The following PIK3C2G variants were observed in gnomAD, a reference collection of about 807,000 sequenced individuals.
The protein encoded by PIK3C2G is phosphatidylinositol-4-phosphate 3-kinase catalytic subunit type 2 gamma, also known as phosphatidylinositol 3-kinase C2 domain-containing subunit gamma.
PIK3C2G carries 168 observed loss-of-function variants against 181.1 expected under a neutral mutation model. That is an observed-to-expected ratio of 0.93 (90% CI 0.82 to 1.05). The LOEUF is 1.05. Among genes scored for constraint, PIK3C2G ranks in the 50% least tolerant of loss-of-function variants. PIK3C2G has a pLI of 0.00. For missense variants in PIK3C2G, 1,869 were observed against 1,732.8 expected, an observed-to-expected ratio of 1.08 and a Z score of -1.40; for synonymous variants, 573 against 592.2, an observed-to-expected ratio of 0.97 and a Z score of 0.47.
In PIK3C2G at chr12:18,555,984, G is replaced by A. The variant is rs542556863; in HGVS notation, c.3591-6719G>A. On this transcript the variant is annotated intron_variant, in intron 26 of 32. Coordinates refer to ENST00000538779, the MANE Select transcript of PIK3C2G (RefSeq NM_001288772.2). ...TCTCTAAGGATGAAAAGATTAACAT[G>A]AAGCATTTAGTGTACTACCTGCCAA... 4.3e-4 allele frequency among the ~76,000 whole-genome samples: 65 copies of A among 152,228 alleles called. 2 individuals are homozygous for A. In the South Asian group the frequency reaches 0.013, roughly 30 times the overall value.
intron 26 of PIK3C2G, among the ~76,000 whole-genome samples, chr12:18,550,074 T>A (rs1186848667): frequency 6.6e-6 from 1 of 152,052 alleles, no homozygotes; most frequent in Non-Finnish European, 1.5e-5. Flanking sequence ...AAGTAGCATA[T>A]CTGTTCAATT....
At chr12:18,707,768 T>A in the PIK3C2G span, among the ~76,000 whole-genome samples, 1 of 152,290 alleles carries the variant, frequency 6.6e-6, no homozygotes, top group African/African-American at 2.4e-5. Flanking sequence ...TAATCTTATC[T>A]ATGCTGCAAA....
intron 18 of PIK3C2G, among the ~76,000 whole-genome samples, chr12:18,459,659 C>T (rs1258330402): frequency 2.0e-5 from 3 of 152,186 alleles, no homozygotes; most frequent in Non-Finnish European, 4.4e-5. Flanking sequence ...CATGCTTAAC[C>T]TATGCCTAAA....
intron 26 of PIK3C2G, among the ~76,000 whole-genome samples, chr12:18,557,978 G>A (rs1339248685): frequency 6.6e-6 from 1 of 152,034 alleles, no homozygotes; most frequent in African/African-American, 2.4e-5. Flanking sequence ...TTACCTATTG[G>A]TTTTGTGTGT....
At chr12:18,721,517 T>C in the PIK3C2G span, among the ~76,000 whole-genome samples, 1 of 152,026 alleles carries the variant, frequency 6.6e-6, no homozygotes, top group African/African-American at 2.4e-5. Context: ...ACTGCCTCCA[T>C]CCCAACATCT....
chr12:18,493,978 T>G (rs1016351458), intron 20 of PIK3C2G, among the ~76,000 whole-genome samples: 2 of 152,316 alleles, frequency 1.3e-5, no homozygotes, highest in Middle Eastern at 3.4e-3. Context: ...AATGCAATTC[T>G]TCCCCACTAC....
At chr12:18,440,825 G>A (rs1328069980) in intron 18 of PIK3C2G, among the ~76,000 whole-genome samples, 1 of 152,006 alleles carries the variant, frequency 6.6e-6, no homozygotes, top group East Asian at 1.9e-4. Context: ...GCACAATTTG[G>A]CTTATATTAT....
the PIK3C2G span, among the ~76,000 whole-genome samples, chr12:18,688,854 A>C: frequency 6.6e-6 from 1 of 152,250 alleles, no homozygotes; most frequent in Admixed American, 6.5e-5. Flanking sequence ...GAGATAGAAG[A>C]TATAAGCCTA....
At chr12:18,335,362 A>C (rs1374041387) in intron 8 of PIK3C2G, among the ~76,000 whole-genome samples, 1 of 152,176 alleles carries the variant, frequency 6.6e-6, no homozygotes, top group Non-Finnish European at 1.5e-5. Flanking sequence ...TGTTGGAGCT[A>C]CTGCTCAGGC....
At chr12:18,285,413 T>G (rs1021461139) in intron 2 of PIK3C2G, 4 of 151,772 alleles carry the variant, frequency 2.6e-5, no homozygotes, top group African/African-American at 9.7e-5. Flanking sequence ...TAGGAAAGAG[T>G]GAAGAGTGAT....
At chr12:18,518,740 C>T (rs1211686103) in intron 24 of PIK3C2G, among the ~76,000 whole-genome samples, 2 of 152,052 alleles carry the variant, frequency 1.3e-5, no homozygotes, top group Non-Finnish European at 2.9e-5. Context: ...TTCAATTCTG[C>T]TTTAATCTTA....
In PIK3C2G at chr12:18,501,504, C is replaced by G. The variant is rs1435038985; in HGVS notation, c.3017-1777C>G. On this transcript the variant is annotated intron_variant, in intron 22 of 32. Coordinates refer to ENST00000538779, the MANE Select transcript of PIK3C2G (RefSeq NM_001288772.2). ...TTGAGATGAGATTTGACTGGGGACA[C>G]AGCTAAACCATACAACAGAGTTATT... Among the ~76,000 whole-genome samples, 8 of 152,136 alleles carry G rather than the reference C, an allele frequency of 5.3e-5. No individual in the cohort carries two copies. In the East Asian group the frequency reaches 9.6e-4, roughly 18 times the overall value.
intron 31 of PIK3C2G, among the ~76,000 whole-genome samples, chr12:18,619,576 C>T (rs1284240760): frequency 6.6e-6 from 1 of 151,890 alleles, no homozygotes; most frequent in Non-Finnish European, 1.5e-5. Flanking sequence ...CATTTTCTTT[C>T]AGTTTATAAT....
At chr12:18,595,117 A>G (rs527388130) in intron 30 of PIK3C2G, among the ~76,000 whole-genome samples, 1 of 152,236 alleles carries the variant, frequency 6.6e-6, no homozygotes, top group South Asian at 2.1e-4. Flanking sequence ...AAACAACAGA[A>G]TACATATTTC....
At chr12:18,345,633 C>T (rs1486002800) in intron 10 of PIK3C2G, among the ~76,000 whole-genome samples, 2 of 152,122 alleles carry the variant, frequency 1.3e-5, no homozygotes, top group East Asian at 1.9e-4. Flanking sequence ...TAGCTCTTTG[C>T]ACTATTTTCA....
the PIK3C2G span, among the ~76,000 whole-genome samples, chr12:18,660,947 T>A: frequency 1.3e-5 from 2 of 151,752 alleles, no homozygotes; most frequent in African/African-American, 4.8e-5. Context: ...AATAAAAAGA[T>A]CAATAAAAAT....
intron 26 of PIK3C2G, 29 bp downstream of exon 26, chr12:18,546,461 G>C (rs1944433424): frequency 8.4e-7 from 1 of 1,185,946 alleles, no homozygotes; most frequent in Non-Finnish European, 1.2e-6. Context: ...GTGTGAGCAT[G>C]CATGCATGAA....
At chr12:18,523,514 G>C (rs1322471192) in intron 24 of PIK3C2G, among the ~76,000 whole-genome samples, 1 of 152,184 alleles carries the variant, frequency 6.6e-6, no homozygotes, top group African/African-American at 2.4e-5. Flanking sequence ...GGTAATTACT[G>C]ATCTGTAGGT....
chr12:18,363,424 T>C (rs1280079291), intron 12 of PIK3C2G, among the ~76,000 whole-genome samples: 3 of 152,126 alleles, frequency 2.0e-5, no homozygotes, highest in African/African-American at 7.2e-5. Context: ...AGTAACTTCC[T>C]AACATTATCA....
Sources: gnomAD v4.1 joint callset for allele counts (sites outside exome capture counted in the v4.1 genomes callset) on GRCh38, gnomAD v4.1.1 for gene constraint, MANE v1.5 for transcripts, NCBI Gene and HGNC (gene_info 2026-07-23, HGNC 2026-07-21) for gene names.